Variants in CEP83 observed in about 807,000 individuals in gnomAD.
The protein encoded by CEP83 is centrosomal protein of 83 kDa.
Under a neutral mutation model 101.9 loss-of-function variants are expected in CEP83, and 70 were observed. The observed-to-expected ratio is 0.69, with a 90% CI of 0.57 to 0.84. CEP83 has a LOEUF of 0.84. Ranked by LOEUF, CEP83 falls within the 40% of genes least tolerant of loss-of-function variation. The pLI is 0.00. For synonymous variants in CEP83, 264 were observed against 267.9 expected, an observed-to-expected ratio of 0.99 and a Z score of 0.14; for missense variants, 715 against 787.2, an observed-to-expected ratio of 0.91 and a Z score of 1.10.
At chr12:94,329,755 C>T (rs1219378119) in intron 14 of CEP83, among the ~76,000 whole-genome samples, 3 of 152,088 alleles carry the variant, frequency 2.0e-5, no homozygotes, top group South Asian at 4.1e-4. Flanking sequence ...TCTGAAATCC[C>T]ATTAATATTC....
At chr12:94,303,739 T>G, downstream of CEP83, 1 of 1,389,130 alleles carries the variant, frequency 7.2e-7, no homozygotes, top group Non-Finnish European at 9.4e-7. Context: ...TTGCTTTTTT[T>G]TTTTTTTTTT....
chr12:94,326,581 T>A (rs145298123), intron 14 of CEP83, among the ~76,000 whole-genome samples: 4 of 152,226 alleles, frequency 2.6e-5, no homozygotes. Flanking sequence ...CACCCTAGAG[T>A]AACCTTATTT....
the CEP83 span, chr12:94,279,760 C>T: frequency 4.2e-6 from 4 of 955,070 alleles, no homozygotes; most frequent in East Asian, 1.0e-4. Flanking sequence ...TTCAGTGACA[C>T]TTACACAGCC....
chr12:94,365,768 T>TG lies in CEP83; in HGVS notation c.1343+2025dup, dbSNP rs1177966624. Among the ~76,000 whole-genome samples the TG allele has an allele frequency of 3.8e-3, 518 of 137,282 alleles. 2 individuals carry two copies. Among genetic ancestry groups the TG allele is most frequent in the African/African-American group, 0.014 (497 of 36,364 alleles). 90.1% of individuals were successfully genotyped at this position (137,282 alleles called of 152,430 possible). ...CTGGGCAACAGAGCAAGACTGTGTT[T>TG]GAAAAAAAAAAAAAAAAAAAGACAA... On this transcript the variant is annotated intron_variant, in intron 11 of 16. Transcript: ENST00000397809.
intron 2 of CEP83, among the ~76,000 whole-genome samples, chr12:94,422,813 T>G (rs2064865572): frequency 6.6e-6 from 1 of 152,246 alleles, no homozygotes; most frequent in South Asian, 2.1e-4. Context: ...TAAATAGCAT[T>G]TCATCATTTA....
the CEP83 span, among the ~76,000 whole-genome samples, chr12:94,276,163 T>C: frequency 6.6e-6 from 1 of 152,326 alleles, no homozygotes; most frequent in Admixed American, 6.5e-5. Flanking sequence ...GAATGCTGTT[T>C]CACAAATATT....
At chr12:94,393,279 G>A (rs1016053553) in intron 6 of CEP83, among the ~76,000 whole-genome samples, 6 of 152,194 alleles carry the variant, frequency 3.9e-5, no homozygotes, top group South Asian at 2.1e-4. Context: ...TATCCACCAT[G>A]ATCAAGCGGG....
At chr12:94,422,870 G>C (rs553329516) in intron 2 of CEP83, among the ~76,000 whole-genome samples, 1 of 152,106 alleles carries the variant, frequency 6.6e-6, no homozygotes, top group Non-Finnish European at 1.5e-5. Context: ...TGCGCATTTG[G>C]TTGTTTCTGG....
At chr12:94,334,192 A>G (rs1049508918) in intron 12 of CEP83, among the ~76,000 whole-genome samples, 2 of 152,178 alleles carry the variant, frequency 1.3e-5, no homozygotes, top group Non-Finnish European at 2.9e-5. Context: ...AAGGTTTCCA[A>G]ACCTTCTGTA....
chr12:94,364,158 T>G (rs1043128466), intron 11 of CEP83, among the ~76,000 whole-genome samples: 2 of 152,102 alleles, frequency 1.3e-5, no homozygotes, highest in African/African-American at 4.8e-5. Flanking sequence ...TTTTACAAGC[T>G]AAAAAGAACT....
chr12:94,388,401 A>C (rs2062290533), intron 6 of CEP83, among the ~76,000 whole-genome samples: 1 of 152,174 alleles, frequency 6.6e-6, no homozygotes, highest in Non-Finnish European at 1.5e-5. Flanking sequence ...TATGGACATA[A>C]AGATGGGAAC....
chr12:94,273,613 C>T, the CEP83 span, among the ~76,000 whole-genome samples: 12 of 152,168 alleles, frequency 7.9e-5, no homozygotes, highest in Non-Finnish European at 1.0e-4. Flanking sequence ...CACATTCTAC[C>T]TGGCATTAGA....
the CEP83 span, among the ~76,000 whole-genome samples, chr12:94,299,166 T>C: frequency 6.6e-6 from 1 of 152,242 alleles, no homozygotes; most frequent in African/African-American, 2.4e-5. Flanking sequence ...ATCGGTTACT[T>C]TGCAGTCTCC....
At chr12:94,334,040 T>C (rs1323904043) in intron 12 of CEP83, among the ~76,000 whole-genome samples, 8 of 150,478 alleles carry the variant, frequency 5.3e-5, no homozygotes, top group African/African-American at 7.4e-5. Context: ...GCAAGTCAGC[T>C]GGGAAAGCAG....
At chr12:94,342,820 A>G (rs1046941135) in intron 11 of CEP83, among the ~76,000 whole-genome samples, 2 of 152,142 alleles carry the variant, frequency 1.3e-5, no homozygotes, top group African/African-American at 4.8e-5. Flanking sequence ...TTTTAATGCT[A>G]AACGCTACAA....
the CEP83 span, among the ~76,000 whole-genome samples, chr12:94,271,822 G>C: frequency 6.6e-6 from 1 of 152,324 alleles, no homozygotes; most frequent in East Asian, 1.9e-4. Context: ...TGTCCCGTCA[G>C]TATTCTTTTT....
intron 11 of CEP83, among the ~76,000 whole-genome samples, chr12:94,348,289 T>C (rs1017265940): frequency 2.6e-5 from 4 of 152,034 alleles, no homozygotes; most frequent in Non-Finnish European, 4.4e-5. Context: ...AAGTTGACAA[T>C]GACCAGTTGA....
intron 6 of CEP83, among the ~76,000 whole-genome samples, chr12:94,398,920 C>T (rs2063075373): frequency 1.3e-5 from 2 of 152,114 alleles, no homozygotes; most frequent in Admixed American, 6.6e-5. Context: ...TACCCTCAGG[C>T]TTATTAAGAT....
intron 1 of CEP83, among the ~76,000 whole-genome samples, chr12:94,448,254 G>A (rs2066954949): frequency 1.3e-5 from 2 of 151,980 alleles, no homozygotes; most frequent in Non-Finnish European, 2.9e-5. Context: ...CACTATATCA[G>A]GAAGATATAA....
Sources: gnomAD v4.1 joint callset for allele counts (sites outside exome capture counted in the v4.1 genomes callset) on GRCh38, gnomAD v4.1.1 for gene constraint, MANE v1.5 for transcripts, NCBI Gene and HGNC (gene_info 2026-07-23, HGNC 2026-07-21) for gene names.